MYO18B: variants seen among roughly 807,000 people sequenced by gnomAD.
The protein encoded by MYO18B is myosin XVIIIB, also known as unconventional myosin-XVIIIb.
A neutral mutation model predicts 273.0 loss-of-function variants in MYO18B; 204 were observed. The ratio of observed to expected loss-of-function variants is 0.75; its 90% CI spans 0.67 to 0.84. MYO18B has a LOEUF of 0.84. Ranked by LOEUF, MYO18B falls within the 40% of genes least tolerant of loss-of-function variation. The pLI is 0.00. For missense variants in MYO18B, 3,212 were observed against 3,287.6 expected, an observed-to-expected ratio of 0.98 and a Z score of 0.56; for synonymous variants, 1,330 against 1,305.7, an observed-to-expected ratio of 1.02 and a Z score of -0.40.
chr22:25,891,074 C>A (rs916023898), intron 26 of MYO18B, among the ~76,000 whole-genome samples, 199 bp downstream of exon 26: 1 of 152,108 alleles, frequency 6.6e-6, no homozygotes, highest in African/African-American at 2.4e-5. Flanking sequence ...TAGTCCCTGG[C>A]TAGAGAGGCG....
At chr22:25,862,336 G>A (rs938895830) in intron 21 of MYO18B, among the ~76,000 whole-genome samples, 1 of 152,002 alleles carries the variant, frequency 6.6e-6, no homozygotes, top group African/African-American at 2.4e-5. Context: ...TTAATCTTAT[G>A]TCTTTTAGGT....
intron 21 of MYO18B, among the ~76,000 whole-genome samples, chr22:25,853,519 C>T (rs2090483337): frequency 6.6e-6 from 1 of 152,176 alleles, no homozygotes; most frequent in Non-Finnish European, 1.5e-5. Context: ...GTGCCATCAA[C>T]CACTCTGTAG....
At chr22:26,002,893 A>G (rs985693220) in intron 40 of MYO18B, among the ~76,000 whole-genome samples, 2 of 152,198 alleles carry the variant, frequency 1.3e-5, no homozygotes, top group African/African-American at 2.4e-5. Context: ...AGCACTCACA[A>G]AGAACATACA....
intron 39 of MYO18B, among the ~76,000 whole-genome samples, chr22:25,991,135 C>T (rs970522149): frequency 3.3e-5 from 5 of 152,198 alleles, no homozygotes; most frequent in African/African-American, 1.2e-4. Context: ...ACTGTGATTT[C>T]CCTAACCATT....
chr22:25,774,395 G>T (rs114294801), intron 7 of MYO18B, among the ~76,000 whole-genome samples: 1,987 of 152,304 alleles, frequency 0.013, 44 homozygotes, highest in African/African-American at 0.045. Flanking sequence ...CATTGCCGAG[G>T]GACTCCTCCG....
rs2092089931 is a variant in MYO18B, at chr22:25,908,360, GC to G, written c.5188del (p.Gln1730ArgfsTer52). The G allele has an allele frequency of 6.2e-7, 1 of 1,601,476 alleles. No individual in the cohort carries two copies. Among genetic ancestry groups the G allele is most frequent in the African/African-American group, 1.3e-5 (1 of 74,724 alleles). ...RFELEIERMK[Q>X]MHQKDREDQE... ...TTGAGCTGGAGATCGAGCGGATGAAGCAGATGCACCAGAAGGACCGTGAGGA... is the reference window on the plus strand; with the variant it reads ...TTGAGCTGGAGATCGAGCGGATGAAGAGATGCACCAGAAGGACCGTGAGGA... On this transcript the variant is annotated frameshift_variant, in exon 32 of 44. Transcript: ENST00000335473. LOFTEE classifies it high-confidence loss of function.
At position 25,803,230 on chromosome 22, in the gene MYO18B, T is replaced by C. The variant is rs561541059; in HGVS notation, c.2521+5133T>C. On this transcript the variant is annotated intron_variant, in intron 12 of 43. Transcript: ENST00000335473. ...CGCCTGCCTCAGCCTCCCAAAGTGCTGGGATTACAGGCGTGAGCCACCACG... is the reference window on the plus strand; with the variant it reads ...CGCCTGCCTCAGCCTCCCAAAGTGCCGGGATTACAGGCGTGAGCCACCACG... Among the ~76,000 whole-genome samples the C allele has an allele frequency of 1.8e-4, 27 of 152,320 alleles. No homozygotes were observed. The East Asian group carries it at 4.8e-3, about 27-fold the overall frequency.
At chr22:25,884,586 A>G (rs1326179028) in intron 25 of MYO18B, 1 of 152,214 alleles carries the variant, frequency 6.6e-6, no homozygotes, top group Non-Finnish European at 1.5e-5. Context: ...CAGCTGGTGT[A>G]TTCTTTCTGA....
At chr22:25,878,741 G>A (rs2091264812) in intron 25 of MYO18B, among the ~76,000 whole-genome samples, 1 of 152,176 alleles carries the variant, frequency 6.6e-6, no homozygotes, top group Admixed American at 6.5e-5. Flanking sequence ...CCAAGTGTTG[G>A]CAAGGTTGTG....
intron 21 of MYO18B, among the ~76,000 whole-genome samples, chr22:25,866,247 A>T (rs1361591751): frequency 7.5e-6 from 1 of 133,070 alleles, no homozygotes; most frequent in African/African-American, 2.8e-5. Flanking sequence ...TGAGTGAAAG[A>T]CCAATGAGGG....
chr22:25,872,573 T>C (rs1163077112), intron 22 of MYO18B, among the ~76,000 whole-genome samples: 1 of 152,248 alleles, frequency 6.6e-6, no homozygotes, highest in Admixed American at 6.5e-5. Flanking sequence ...GTTCATGCTA[T>C]TCAGTGATAA....
At chr22:25,877,890 C>G in intron 24 of MYO18B, 69 bp from the exon 25 acceptor site, 1 of 1,315,592 alleles carries the variant, frequency 7.6e-7, no homozygotes. Context: ...GCCGTTTGCT[C>G]ACTCCTAACA....
At chr22:25,844,773 C>G (rs1401992628) in intron 18 of MYO18B, among the ~76,000 whole-genome samples, 2 of 152,210 alleles carry the variant, frequency 1.3e-5, no homozygotes, top group South Asian at 4.1e-4. Context: ...TCGTGAACAT[C>G]CAGCTCCTGG....
chr22:25,792,597 C>G (rs1275532663), intron 11 of MYO18B, among the ~76,000 whole-genome samples: 1 of 144,312 alleles, frequency 6.9e-6, no homozygotes, highest in Non-Finnish European at 1.5e-5. Flanking sequence ...TGGGTTCAAG[C>G]CATTCGCCTG....
intron 39 of MYO18B, among the ~76,000 whole-genome samples, chr22:25,956,419 T>A (rs1209570693): frequency 1.3e-5 from 2 of 152,180 alleles, no homozygotes; most frequent in East Asian, 3.8e-4. Flanking sequence ...TTTCACTTTG[T>A]GGCCCAGGCT....
intron 27 of MYO18B, 72 bp from the exon 28 acceptor site, chr22:25,895,084 G>GGA: frequency 6.5e-7 from 1 of 1,538,664 alleles, no homozygotes; most frequent in East Asian, 2.3e-5. Context: ...AGAAAGTGGA[G>GGA]GAGAGCCACT....
At chr22:25,809,135 G>T (rs1282339877) in intron 12 of MYO18B, among the ~76,000 whole-genome samples, 1 of 152,092 alleles carries the variant, frequency 6.6e-6, no homozygotes, top group Non-Finnish European at 1.5e-5. Flanking sequence ...TAGAGATGGG[G>T]TTTCACCATC....
intron 34 of MYO18B, among the ~76,000 whole-genome samples, chr22:25,942,846 T>C (rs1383348769): frequency 6.6e-6 from 1 of 152,098 alleles, no homozygotes; most frequent in African/African-American, 2.4e-5. Flanking sequence ...CTGTCTCCAT[T>C]GACTGCTGTC....
intron 40 of MYO18B, among the ~76,000 whole-genome samples, chr22:25,998,960 A>G (rs1227775703): frequency 2.0e-5 from 3 of 152,174 alleles, no homozygotes; most frequent in South Asian, 2.1e-4. Flanking sequence ...CAGGGCTCCA[A>G]ACTACTTTGT....
Sources: allele counts gnomAD v4.1 joint callset (sites outside exome capture counted in the v4.1 genomes callset), GRCh38; gene constraint gnomAD v4.1.1; transcripts MANE v1.5; gene names NCBI Gene and HGNC (gene_info 2026-07-23, HGNC 2026-07-21).